HS6ST3: variants seen among roughly 807,000 people sequenced by gnomAD.
The protein encoded by HS6ST3 is heparan sulfate 6-O-sulfotransferase 3.
In HS6ST3, 12 loss-of-function variants were observed where a neutral mutation model predicts 36.7. The observed-to-expected ratio is 0.33, with a 90% CI of 0.21 to 0.53. The LOEUF (loss-of-function observed/expected upper bound fraction) is 0.53, where lower values mean the gene tolerates loss of function less well. Among genes scored for constraint, HS6ST3 ranks in the 20% least tolerant of loss-of-function variants. The pLI, the probability that HS6ST3 is intolerant of heterozygous loss-of-function variation, is 0.95. For synonymous variants in HS6ST3, 240 were observed against 257.5 expected (o/e 0.93, Z 0.65); for missense variants, 584 against 640.9 (o/e 0.91, Z 0.96).
chr13:96,384,988 T>G (rs974146114), intron 1 of HS6ST3, among the ~76,000 whole-genome samples: 3 of 152,074 alleles, frequency 2.0e-5, no homozygotes, highest in Non-Finnish European at 4.4e-5. Flanking sequence ...GAGACCAACC[T>G]GACCAACATG....
At chr13:96,167,791 C>T (rs761689472) in intron 1 of HS6ST3, among the ~76,000 whole-genome samples, 1 of 152,170 alleles carries the variant, frequency 6.6e-6, no homozygotes, top group African/African-American at 2.4e-5. Flanking sequence ...AAATCATTAA[C>T]ATTTCTATGA....
chr13:96,174,888 T>A (rs970752909), intron 1 of HS6ST3, among the ~76,000 whole-genome samples: 6 of 152,132 alleles, frequency 3.9e-5, no homozygotes, highest in African/African-American at 1.4e-4. Flanking sequence ...AGGCCATGGC[T>A]TTTGGGTACA....
chr13:96,538,817 C>A (rs2056166350), intron 1 of HS6ST3, among the ~76,000 whole-genome samples: 1 of 152,206 alleles, frequency 6.6e-6, no homozygotes, highest in African/African-American at 2.4e-5. Context: ...AAAATCTTAT[C>A]TAAAAATATT....
intron 1 of HS6ST3, among the ~76,000 whole-genome samples, chr13:96,129,557 A>G (rs1418169048): frequency 6.6e-6 from 1 of 152,244 alleles, no homozygotes; most frequent in Non-Finnish European, 1.5e-5. Context: ...GGGAACCAGG[A>G]ATCAAAGTTA....
intron 1 of HS6ST3, among the ~76,000 whole-genome samples, chr13:96,810,203 A>G (rs553559328): frequency 1.3e-5 from 2 of 152,236 alleles, no homozygotes; most frequent in South Asian, 2.1e-4. Flanking sequence ...TACCATGATG[A>G]CTTGTTTTGA....
At chr13:96,280,589 A>G (rs1454595316) in intron 1 of HS6ST3, among the ~76,000 whole-genome samples, 1 of 152,212 alleles carries the variant, frequency 6.6e-6, no homozygotes. Context: ...CCCCGAAGAG[A>G]GTATATATTT....
intron 1 of HS6ST3, among the ~76,000 whole-genome samples, chr13:96,672,620 G>T (rs1327802657): frequency 6.6e-6 from 1 of 151,934 alleles, no homozygotes; most frequent in Non-Finnish European, 1.5e-5. Flanking sequence ...CTTCTTTCTT[G>T]GTTGACTCCT....
At chr13:96,403,036 G>A (rs957694445) in intron 1 of HS6ST3, among the ~76,000 whole-genome samples, 8 of 152,122 alleles carry the variant, frequency 5.3e-5, no homozygotes, top group African/African-American at 1.9e-4. Context: ...GAGATTCCCA[G>A]TTGTTTCATG....
chr13:96,323,976 T>G (rs2055017503), intron 1 of HS6ST3, among the ~76,000 whole-genome samples: 1 of 152,122 alleles, frequency 6.6e-6, no homozygotes, highest in South Asian at 2.1e-4. Flanking sequence ...CTTTCTTTCT[T>G]ATTATAACCT....
At chr13:96,377,538 G>A (rs7323705) in intron 1 of HS6ST3, among the ~76,000 whole-genome samples, 61,341 of 151,968 alleles carry the variant, frequency 0.4, 12,944 homozygotes, top group African/African-American at 0.52. Flanking sequence ...AGCACTAATA[G>A]CAGCAGTTGT....
At chr13:96,532,613 A>C (rs55965515) in intron 1 of HS6ST3, among the ~76,000 whole-genome samples, 2,678 of 152,302 alleles carry the variant, frequency 0.018, 80 homozygotes, top group African/African-American at 0.06. Flanking sequence ...CGGAGATCTG[A>C]GTTTGAGAAT....
chr13:96,801,319 A>T (rs1878063779), intron 1 of HS6ST3, among the ~76,000 whole-genome samples: 1 of 152,158 alleles, frequency 6.6e-6, no homozygotes. Flanking sequence ...CTAAGAGATC[A>T]GATAAAAATA....
intron 1 of HS6ST3, among the ~76,000 whole-genome samples, chr13:96,537,711 T>C (rs2056161351): frequency 6.6e-6 from 1 of 152,230 alleles, no homozygotes; most frequent in Non-Finnish European, 1.5e-5. Flanking sequence ...TTAGAAATCA[T>C]TTTATCCTGG....
chr13:96,443,415 A>G (rs1419296698), intron 1 of HS6ST3, among the ~76,000 whole-genome samples: 2 of 151,524 alleles, frequency 1.3e-5, no homozygotes, highest in Non-Finnish European at 2.9e-5. Context: ...CTGTAGTCCC[A>G]GCTACTCGGG....
At chr13:96,777,630 C>T (rs1877421356) in intron 1 of HS6ST3, among the ~76,000 whole-genome samples, 2 of 152,078 alleles carry the variant, frequency 1.3e-5, no homozygotes, top group Admixed American at 6.5e-5. Context: ...TGTGAAGGAC[C>T]TCTTCTAGGA....
intron 1 of HS6ST3, among the ~76,000 whole-genome samples, chr13:96,157,288 T>G (rs2054115027): frequency 6.6e-6 from 1 of 152,210 alleles, no homozygotes; most frequent in African/African-American, 2.4e-5. Context: ...CATCTTTCAG[T>G]GGGATAATGA....
chr13:96,548,231 C>G (rs9516719), intron 1 of HS6ST3, among the ~76,000 whole-genome samples: 96,757 of 151,842 alleles, frequency 0.64, 34,535 homozygotes, highest in Non-Finnish European at 0.79. Flanking sequence ...AAACCTGGAC[C>G]TCCAGACTCT....
chr13:96,636,948 T>C (rs1448091839), intron 1 of HS6ST3, among the ~76,000 whole-genome samples: 2 of 151,946 alleles, frequency 1.3e-5, no homozygotes, highest in East Asian at 3.9e-4. Context: ...AGGATTCCTT[T>C]TAAAAACAGA....
intron 1 of HS6ST3, among the ~76,000 whole-genome samples, chr13:96,118,688 A>ATATAT (rs2053909896): frequency 3.2e-5 from 1 of 31,182 alleles, no homozygotes; most frequent in African/African-American, 1.3e-4. Context: ...ATATATATAT[A>ATATAT]TTTTTTTTTT....
Sources: allele counts gnomAD v4.1 joint callset (sites outside exome capture counted in the v4.1 genomes callset), GRCh38; gene constraint gnomAD v4.1.1; transcripts MANE v1.5; gene names NCBI Gene and HGNC (gene_info 2026-07-23, HGNC 2026-07-21).